The following PRKN variants were observed in gnomAD, a reference collection of about 807,000 sequenced individuals.
PRKN encodes the protein E3 ubiquitin-protein ligase parkin.
In PRKN, 56 loss-of-function variants were observed where a neutral mutation model predicts 59.5. That is an observed-to-expected ratio of 0.94 (90% CI 0.76 to 1.18). PRKN has a LOEUF of 1.18. Ranked by LOEUF, PRKN falls within the 50% of genes most tolerant of loss-of-function variation. The pLI is 0.00. For synonymous variants in PRKN, 250 were observed against 222.1 expected, an observed-to-expected ratio of 1.13 and a Z score of -1.12; for missense variants, 657 against 596.4, an observed-to-expected ratio of 1.10 and a Z score of -1.06.
intron 1 of PRKN, among the ~76,000 whole-genome samples, chr6:162,478,051 C>A (rs62428774): frequency 0.15 from 22,252 of 152,044 alleles, 1,811 homozygotes; most frequent in Non-Finnish European, 0.17. Flanking sequence ...GAGCACAGGG[C>A]GAACATGGTT....
intron 3 of PRKN, among the ~76,000 whole-genome samples, chr6:162,232,174 T>C (rs1778452044): frequency 6.6e-6 from 1 of 152,142 alleles, no homozygotes; most frequent in African/African-American, 2.4e-5. Flanking sequence ...AGCAGCCACA[T>C]AGGGATTTGG....
chr6:162,703,474 T>C (rs946521579), intron 1 of PRKN, among the ~76,000 whole-genome samples: 1 of 152,204 alleles, frequency 6.6e-6, no homozygotes, highest in Non-Finnish European at 1.5e-5. Flanking sequence ...TTGAGAAAAC[T>C]GAACACGGTC....
chr6:162,404,262 C>T (rs894346647), intron 2 of PRKN, among the ~76,000 whole-genome samples: 3 of 151,190 alleles, frequency 2.0e-5, no homozygotes, highest in Non-Finnish European at 2.9e-5. Flanking sequence ...CCCAGCTACT[C>T]AGGAGGCTGA....
intron 9 of PRKN, among the ~76,000 whole-genome samples, chr6:161,540,816 A>C (rs1033634879): frequency 1.1e-4 from 17 of 152,132 alleles, no homozygotes; most frequent in Admixed American, 2.6e-4. Flanking sequence ...ATAGGAAAGA[A>C]ATTGGTTTAA....
chr6:162,480,373 A>G (rs1429048895), intron 1 of PRKN, among the ~76,000 whole-genome samples: 2 of 152,134 alleles, frequency 1.3e-5, no homozygotes, highest in African/African-American at 2.4e-5. Flanking sequence ...GGCTGTATAC[A>G]TTTTTTTACT....
intron 6 of PRKN, among the ~76,000 whole-genome samples, chr6:161,804,673 T>C (rs944022451): frequency 1.3e-5 from 2 of 152,066 alleles, no homozygotes; most frequent in African/African-American, 4.8e-5. Flanking sequence ...TATATATTAA[T>C]TGGCAAACTC....
chr6:162,472,071 T>C (rs1406476463), intron 1 of PRKN, among the ~76,000 whole-genome samples: 1 of 152,178 alleles, frequency 6.6e-6, no homozygotes, highest in South Asian at 2.1e-4. Context: ...GAACGCTTTG[T>C]GGATGGAATG....
chr6:162,235,973 G>GAAAGAAAGA (rs1562602441), intron 3 of PRKN, among the ~76,000 whole-genome samples: 1 of 95,986 alleles, frequency 1.0e-5, no homozygotes, highest in Admixed American at 1.0e-4. Context: ...AAGAAAGAAA[G>GAAAGAAAGA]AAAGAAAGAA....
chr6:162,473,210 T>C (rs1310285358), intron 1 of PRKN, among the ~76,000 whole-genome samples: 2 of 152,300 alleles, frequency 1.3e-5, no homozygotes, highest in South Asian at 2.1e-4. Flanking sequence ...TTACCACAAC[T>C]GGATATTTCA....
At chr6:162,569,321 GC>G in intron 1 of PRKN, 1 of 619,444 alleles carries the variant, frequency 1.6e-6, no homozygotes, top group South Asian at 1.5e-5. Flanking sequence ...CATTAAGGAT[GC>G]CAACACCAAG....
At chr6:162,609,238 C>A (rs1274717322) in intron 1 of PRKN, among the ~76,000 whole-genome samples, 2 of 152,190 alleles carry the variant, frequency 1.3e-5, no homozygotes, top group African/African-American at 4.8e-5. Flanking sequence ...GAGCTCAAGT[C>A]TTTTGGTACC....
In PRKN at chr6:161,946,414, A is replaced by ACACACACACACACACACACACACTCTCT. The variant is rs1247187053; in HGVS notation, c.734+26887_734+26888insAGAGAGTGTGTGTGTGTGTGTGTGTGTG. On this transcript the variant is annotated intron_variant, in intron 6 of 11. Coordinates refer to ENST00000366898, the MANE Select transcript of PRKN (RefSeq NM_004562.3). ...CACACACACACACACACACACACAC[A>ACACACACACACACACACACACACTCTCT]CTCTCTCTCTCTCTCTCTCTCTCTC... 4.9e-4 allele frequency among the ~76,000 whole-genome samples: 56 copies of ACACACACACACACACACACACACTCTCT among 114,430 alleles called. 1 individual carries two copies. Among genetic ancestry groups the ACACACACACACACACACACACACTCTCT allele is most frequent in the Non-Finnish European group, 5.7e-4 (33 of 57,828 alleles). 75.1% of individuals were successfully genotyped at this position (114,430 alleles called of 152,430 possible).
intron 10 of PRKN, among the ~76,000 whole-genome samples, chr6:161,364,824 G>C (rs574841050): frequency 2.0e-5 from 3 of 151,404 alleles, no homozygotes; most frequent in Non-Finnish European, 4.4e-5. Flanking sequence ...CACACTACTC[G>C]AAAGGCTGAG....
chr6:162,467,134 AAATCACACGT>A lies in PRKN; in HGVS notation c.8-23671_8-23662del, dbSNP rs1035541834. On this transcript the variant is annotated intron_variant, in intron 1 of 11. Transcript: ENST00000366898. ...AAGGCCTCTCAACAGTGCTGTTTAA[AAATCACACGT>A]AATCAATCCTTTCACTCGGCACACC... Among the ~76,000 whole-genome samples, 4 of 152,144 alleles carry A rather than the reference AAATCACACGT, an allele frequency of 2.6e-5. No individual in the cohort carries two copies. In the South Asian group the frequency reaches 6.2e-4, roughly 24 times the overall value.
chr6:162,069,569 T>C (rs1778488220), intron 4 of PRKN, among the ~76,000 whole-genome samples: 1 of 152,232 alleles, frequency 6.6e-6, no homozygotes, highest in East Asian at 1.9e-4. Context: ...TATATTCCTT[T>C]CTAACTTGAA....
chr6:162,543,832 G>C (rs1288184926), intron 1 of PRKN, among the ~76,000 whole-genome samples: 2 of 152,064 alleles, frequency 1.3e-5, no homozygotes, highest in Admixed American at 6.6e-5. Flanking sequence ...GTTTTGGAAA[G>C]CTAAACAAAC....
intron 6 of PRKN, among the ~76,000 whole-genome samples, chr6:161,828,917 G>A (rs1451727020): frequency 6.9e-6 from 1 of 145,326 alleles, no homozygotes; most frequent in African/African-American, 2.5e-5. Flanking sequence ...AAAACAAAGT[G>A]AGACTCCATC....
At chr6:161,779,311 C>A (rs1790087891) in intron 7 of PRKN, among the ~76,000 whole-genome samples, 1 of 152,026 alleles carries the variant, frequency 6.6e-6, no homozygotes, top group African/African-American at 2.4e-5. Context: ...AAGCTGTGCC[C>A]TGGGAGTAAT....
At chr6:161,960,349 AG>A (rs1780335320) in intron 6 of PRKN, among the ~76,000 whole-genome samples, 1 of 152,236 alleles carries the variant, frequency 6.6e-6, no homozygotes, top group Non-Finnish European at 1.5e-5. Flanking sequence ...GGAATTGGAA[AG>A]ACGGCTGGAG....
Sources: allele counts gnomAD v4.1 joint callset (sites outside exome capture counted in the v4.1 genomes callset), GRCh38; gene constraint gnomAD v4.1.1; transcripts MANE v1.5; gene names NCBI Gene and HGNC (gene_info 2026-07-23, HGNC 2026-07-21).